SLC35A3: variants seen among roughly 807,000 people sequenced by gnomAD.
The protein encoded by SLC35A3 is solute carrier family 35 member A3.
A neutral mutation model predicts 39.0 loss-of-function variants in SLC35A3; 26 were observed. That is an observed-to-expected ratio of 0.67 (90% confidence interval 0.49 to 0.92). The LOEUF is 0.92. Among genes scored for constraint, SLC35A3 ranks in the 40% least tolerant of loss-of-function variants. The pLI, the probability that SLC35A3 is intolerant of heterozygous loss-of-function variation, is 0.00. For synonymous variants in SLC35A3, 135 were observed against 133.1 expected, an observed-to-expected ratio of 1.01 and a Z score of -0.10; for missense variants, 299 against 371.6, an observed-to-expected ratio of 0.80 and a Z score of 1.61.
At chr1:99,970,544 C>G (rs542293727) in intron 1 of SLC35A3, 11 of 1,535,760 alleles carry the variant, frequency 7.2e-6, no homozygotes, top group African/African-American at 1.4e-5. Context: ...CCCATGAGCT[C>G]TCGCTCGGTG....
intron 7 of SLC35A3, among the ~76,000 whole-genome samples, chr1:100,020,163 G>T (rs1374235141): frequency 6.6e-6 from 1 of 152,124 alleles, no homozygotes; most frequent in African/African-American, 2.4e-5. Flanking sequence ...TCAAATCCTT[G>T]AAGTAATCAT....
chr1:99,975,036 C>T (rs1456442000), intron 1 of SLC35A3: 1 of 152,068 alleles, frequency 6.6e-6, no homozygotes, highest in Non-Finnish European at 1.5e-5. Flanking sequence ...TTCCACCTCC[C>T]TGGCTCAAGT....
At position 100,017,708 on chromosome 1, in the gene SLC35A3, T is replaced by A. The variant is rs1287725180; in HGVS notation, c.780T>A (p.Ala260=). Residue 260 remains alanine, a synonymous_variant, in exon 7 of 8, where the codon GCT becomes GCA. Transcript: ENST00000533028. ...CACTTGGAGGCCTTGTAATAGCTGCTGTTATTAAGTATGCAGATAATATTT... is the reference window on the plus strand; with the variant it reads ...CACTTGGAGGCCTTGTAATAGCTGCAGTTATTAAGTATGCAGATAATATTT... ...LQALGGLVIA[A]VIKYADNILK... is the part of the protein sequence containing the mutation. The A allele has an allele frequency of 2.2e-5, 35 of 1,569,816 alleles. No individual in the cohort carries two copies. Among genetic ancestry groups the A allele is most frequent in the Non-Finnish European group, 2.8e-5 (33 of 1,158,998 alleles).
chr1:100,024,645 A>T lies in SLC35A3; in HGVS notation c.*2169A>T. The stretch of plus-strand genomic sequence containing the variant: ...TTCTTTTTTTTTTTTTTTGAGACAG[A>T]GTCTCACTTTGTCGCCAGGCTGGAG... On this transcript the variant is annotated 3_prime_UTR_variant, in exon 8 of 8. Coordinates refer to ENST00000533028, the MANE Select transcript of SLC35A3 (RefSeq NM_012243.3). 3 of 330,038 alleles carry T rather than the reference A, an allele frequency of 9.1e-6. No homozygotes were observed. Among genetic ancestry groups the T allele is most frequent in the Non-Finnish European group, 1.6e-5 (3 of 185,384 alleles). The allele number at this position is 330,038 out of a possible 1,614,324, so 20.4% of individuals were successfully genotyped here.
intron 1 of SLC35A3, among the ~76,000 whole-genome samples, chr1:99,975,601 A>G (rs1657064151): frequency 6.6e-6 from 1 of 152,178 alleles, no homozygotes; most frequent in Non-Finnish European, 1.5e-5. Flanking sequence ...AGAAGGGAGA[A>G]GAGGTGTTTA....
intron 1 of SLC35A3, among the ~76,000 whole-genome samples, chr1:99,971,005 G>C (rs1398811075): frequency 6.6e-6 from 1 of 152,078 alleles, no homozygotes; most frequent in Admixed American, 6.5e-5. Context: ...CTACCTGTCT[G>C]CTAAATATGC....
intron 1 of SLC35A3, among the ~76,000 whole-genome samples, chr1:99,982,245 C>T (rs1221245523): frequency 1.3e-5 from 2 of 152,096 alleles, no homozygotes; most frequent in Admixed American, 6.5e-5. Flanking sequence ...AGGCAATCCG[C>T]CCACCTCGGC....
intron 3 of SLC35A3, among the ~76,000 whole-genome samples, chr1:100,002,760 G>A (rs1002978134): frequency 6.6e-6 from 1 of 151,566 alleles, no homozygotes; most frequent in African/African-American, 2.4e-5. Context: ...GAGAATATAG[G>A]CATGTGCTAC....
chr1:99,977,305 G>T (rs1016409299), intron 1 of SLC35A3, among the ~76,000 whole-genome samples: 1 of 148,266 alleles, frequency 6.7e-6, no homozygotes, highest in Non-Finnish European at 1.5e-5. Flanking sequence ...ATCACCAGAG[G>T]TCAGGAGTTT....
At chr1:99,977,324 C>G (rs1336766882) in intron 1 of SLC35A3, among the ~76,000 whole-genome samples, 2 of 146,912 alleles carry the variant, frequency 1.4e-5, no homozygotes, top group African/African-American at 2.6e-5. Context: ...TTGAGAACAG[C>G]CTGACGAACA....
chr1:99,977,565 A>G (rs548848757), intron 1 of SLC35A3, among the ~76,000 whole-genome samples: 1 of 33,066 alleles, frequency 3.0e-5, no homozygotes, highest in Non-Finnish European at 5.5e-5. Context: ...GAAGGGAGGA[A>G]GGGAGGGAGG....
intron 2 of SLC35A3, among the ~76,000 whole-genome samples, chr1:99,994,262 C>T (rs1028065541): frequency 6.6e-6 from 1 of 151,898 alleles, no homozygotes; most frequent in Admixed American, 6.6e-5. Flanking sequence ...TAAAATTTGC[C>T]ATCTTAACTA....
rs1661260444 is a variant in SLC35A3, at chr1:100,031,758, TG to T, written c.*9283del. On this transcript the variant is annotated 3_prime_UTR_variant, in exon 8 of 8. Transcript: ENST00000533028. ...CAAAAATGATTTTTTATAGCTTTTTTGTTTTGGAACGAGGGTAAAATCAAGG... is the reference window on the plus strand; with the variant it reads ...CAAAAATGATTTTTTATAGCTTTTTTTTTTGGAACGAGGGTAAAATCAAGG... 1 of 152,242 alleles carries T rather than the reference TG, an allele frequency of 6.6e-6. No individual in the cohort carries two copies. The highest frequency in any genetic ancestry group is 2.1e-4 in the South Asian group (1 of 4,834). 9.4% of individuals were successfully genotyped at this position (152,242 alleles called of 1,614,324 possible).
intron 1 of SLC35A3, among the ~76,000 whole-genome samples, chr1:99,978,572 C>G (rs1657258969): frequency 6.6e-6 from 1 of 151,988 alleles, no homozygotes; most frequent in African/African-American, 2.4e-5. Context: ...AATAATAAAA[C>G]AAATTGATGT....
chr1:100,008,054 C>G (rs1370157513), intron 4 of SLC35A3: 1 of 150,792 alleles, frequency 6.6e-6, no homozygotes, highest in Non-Finnish European at 1.5e-5. Context: ...TGGGTTCAAG[C>G]AATTCTCCTG....
In SLC35A3 at chr1:100,027,410, C is replaced by G. The variant is rs748105056; in HGVS notation, c.*4934C>G. 3.9e-5 allele frequency: 15 copies of G among 381,178 alleles called. No homozygotes were observed. Among genetic ancestry groups the G allele is most frequent in the Non-Finnish European group, 7.0e-5 (15 of 215,728 alleles). The allele number at this position is 381,178 out of a possible 1,614,324, so 23.6% of individuals were successfully genotyped here. On this transcript the variant is annotated 3_prime_UTR_variant, in exon 8 of 8. Coordinates refer to ENST00000533028, the MANE Select transcript of SLC35A3 (RefSeq NM_012243.3). Reference sequence around the variant, plus strand: ...GATGCTGCAGTAAACCATGATGACACTACTGGACTCTAGCCTGAGTGACAG... The same window carrying G: ...GATGCTGCAGTAAACCATGATGACAGTACTGGACTCTAGCCTGAGTGACAG...
chr1:99,983,427 T>C (rs1256007753), intron 1 of SLC35A3, among the ~76,000 whole-genome samples: 1 of 151,020 alleles, frequency 6.6e-6, no homozygotes, highest in Non-Finnish European at 1.5e-5. Flanking sequence ...TAATCCCAGC[T>C]ACTCAGGAGG....
intron 3 of SLC35A3, among the ~76,000 whole-genome samples, chr1:100,006,530 A>G (rs1202959469): frequency 3.3e-5 from 5 of 152,142 alleles, no homozygotes; most frequent in Admixed American, 3.3e-4. Context: ...GGTGGGTGCC[A>G]GCAGTGGTAG....
In SLC35A3 at chr1:100,026,875, G is replaced by T; in HGVS notation, c.*4399G>T. ...TGTATAAATTGGTCTTTTGTTAAAT[G>T]GCTTTTTAATTGATAAACTTCTCTT... On this transcript the variant is annotated 3_prime_UTR_variant, in exon 8 of 8. Coordinates refer to ENST00000533028, the MANE Select transcript of SLC35A3 (RefSeq NM_012243.3). The T allele has an allele frequency of 3.7e-6, 1 of 269,900 alleles. No individual in the cohort carries two copies. Among genetic ancestry groups the T allele is most frequent in the Non-Finnish European group, 6.8e-6 (1 of 146,238 alleles). 16.7% of individuals were successfully genotyped at this position (269,900 alleles called of 1,614,324 possible).
Sources: allele counts gnomAD v4.1 joint callset (sites outside exome capture counted in the v4.1 genomes callset), GRCh38; gene constraint gnomAD v4.1.1; transcripts MANE v1.5; gene names NCBI Gene and HGNC (gene_info 2026-07-23, HGNC 2026-07-21).